Variants in QRFPR observed in about 807,000 individuals in gnomAD.
The protein encoded by QRFPR is pyroglutamylated RF-amide peptide receptor.
In QRFPR, 37 loss-of-function variants were observed where a neutral mutation model predicts 31.3. The observed-to-expected ratio is 1.18, with a 90% CI of 0.91 to 1.56. QRFPR has a LOEUF of 1.56. Ranked by LOEUF, QRFPR falls within the 40% of genes most tolerant of loss-of-function variation. The pLI is 0.00. For synonymous variants in QRFPR, 197 were observed against 192.0 expected, an observed-to-expected ratio of 1.03 and a Z score of -0.22; for missense variants, 542 against 532.5, an observed-to-expected ratio of 1.02 and a Z score of -0.18.
intron 1 of QRFPR, among the ~76,000 whole-genome samples, chr4:121,353,796 G>A (rs1250052958): frequency 1.3e-5 from 2 of 152,034 alleles, no homozygotes; most frequent in South Asian, 2.1e-4. Context: ...CCAGATCAAT[G>A]TTCTGGACTG....
intron 1 of QRFPR, among the ~76,000 whole-genome samples, chr4:121,372,347 A>G (rs1726263236): frequency 6.6e-6 from 1 of 152,190 alleles, no homozygotes; most frequent in African/African-American, 2.4e-5. Context: ...TTCTGCAACT[A>G]CCGGGAAGTA....
At chr4:121,333,236 ACTG>A (rs1725370424) in intron 3 of QRFPR, among the ~76,000 whole-genome samples, 180 bp from the exon 4 acceptor site, 1 of 152,158 alleles carries the variant, frequency 6.6e-6, no homozygotes, top group Non-Finnish European at 1.5e-5. Context: ...TTTCCACTTC[ACTG>A]CTTAAGTTCT....
intron 1 of QRFPR, among the ~76,000 whole-genome samples, chr4:121,355,359 A>G (rs576605878): frequency 6.6e-6 from 1 of 152,246 alleles, no homozygotes; most frequent in Admixed American, 6.5e-5. Flanking sequence ...ATTGTCATAC[A>G]GTTTCTCATA....
At chr4:121,362,346 G>A (rs1281853203) in intron 1 of QRFPR, among the ~76,000 whole-genome samples, 1 of 132,210 alleles carries the variant, frequency 7.6e-6, no homozygotes, top group Non-Finnish European at 1.8e-5. Context: ...CCTTTATCCA[G>A]GAAGAGGGGA....
At chr4:121,330,296 A>G (rs113338255) in intron 5 of QRFPR, 130 bp downstream of exon 5, 4 of 656,692 alleles carry the variant, frequency 6.1e-6, no homozygotes, top group South Asian at 5.8e-5. Context: ...TCTTGAAGAC[A>G]TGAAAGAAAT....
intron 1 of QRFPR, among the ~76,000 whole-genome samples, chr4:121,355,330 C>T (rs1345218068): frequency 2.6e-5 from 4 of 152,012 alleles, no homozygotes; most frequent in African/African-American, 4.8e-5. Context: ...TTATCCATTT[C>T]TTCTAGGACT....
chr4:121,334,208 C>T (rs1017551546), intron 3 of QRFPR, among the ~76,000 whole-genome samples: 1 of 152,118 alleles, frequency 6.6e-6, no homozygotes, highest in Non-Finnish European at 1.5e-5. Flanking sequence ...TTCACATAGC[C>T]CTAGGGACTA....
chr4:121,340,617 T>C lies in QRFPR; in HGVS notation c.341-7A>G. 1.2e-6 allele frequency: 2 copies of C among 1,612,206 alleles called. No homozygotes were observed. Among genetic ancestry groups the C allele is most frequent in the Non-Finnish European group, 8.5e-7 (1 of 1,178,706 alleles). On this transcript the variant is annotated splice_region_variant and splice_polypyrimidine_tract_variant and intron_variant, in intron 1 of 5. Transcript: ENST00000394427. The stretch of plus-strand genomic sequence containing the variant: ...ATCTTGCAAATGAAAGCACCTGCAG[T>C]AAGGAAATAGGACAAATCATACATC...
At chr4:121,344,546 T>C (rs1251384807) in intron 1 of QRFPR, among the ~76,000 whole-genome samples, 3 of 152,188 alleles carry the variant, frequency 2.0e-5, no homozygotes, top group Admixed American at 2.0e-4. Context: ...TGTTCTGTCA[T>C]GTAATTTATC....
At chr4:121,338,310 A>G (rs539943415) in intron 2 of QRFPR, among the ~76,000 whole-genome samples, 5 of 152,234 alleles carry the variant, frequency 3.3e-5, no homozygotes, top group South Asian at 4.1e-4. Context: ...CTCATTGACT[A>G]CCTTCCTGGA....
At chr4:121,376,520 G>A (rs1222324720) in intron 1 of QRFPR, among the ~76,000 whole-genome samples, 2 of 151,004 alleles carry the variant, frequency 1.3e-5, no homozygotes, top group East Asian at 1.9e-4. Context: ...TGCTGGGAAA[G>A]CAACTGTTTG....
At chr4:121,370,173 A>G in intron 1 of QRFPR, 1 of 769,880 alleles carries the variant, frequency 1.3e-6, no homozygotes, top group Non-Finnish European at 2.4e-6. Flanking sequence ...CTCTGAAATC[A>G]CTGGCTTCCA....
chr4:121,371,814 G>C (rs10017459), intron 1 of QRFPR, among the ~76,000 whole-genome samples: 17 of 152,260 alleles, frequency 1.1e-4, no homozygotes, highest in African/African-American at 3.6e-4. Flanking sequence ...TGGCTAACAG[G>C]GTCCCAAGTG....
chr4:121,331,511 AG>A lies in QRFPR; in HGVS notation c.798-989del, dbSNP rs1473440866. Reference sequence around the variant, plus strand: ...ATATATCTTAAAAACATGATTAACCAGGGCTTCAAACTAATTTTCTCCATGA... The same window carrying A: ...ATATATCTTAAAAACATGATTAACCAGGCTTCAAACTAATTTTCTCCATGA... On this transcript the variant is annotated intron_variant, in intron 4 of 5. Coordinates refer to ENST00000394427, the MANE Select transcript of QRFPR (RefSeq NM_198179.3). Among the ~76,000 whole-genome samples, 11 of 151,478 alleles carry A rather than the reference AG, an allele frequency of 7.3e-5. No homozygotes were observed. The East Asian group carries it at 2.1e-3, about 29-fold the overall frequency.
At chr4:121,344,458 A>G (rs867871030) in intron 1 of QRFPR, among the ~76,000 whole-genome samples, 2 of 152,144 alleles carry the variant, frequency 1.3e-5, no homozygotes, top group Admixed American at 6.5e-5. Context: ...CCTATTCATT[A>G]CTTCTGACAT....
rs565065996 is a variant in QRFPR at position 121,347,747 on chromosome 4, T to C, written c.341-7137A>G. On this transcript the variant is annotated intron_variant, in intron 1 of 5. Transcript: ENST00000394427. ...AACTTTACATTTACTCTGTCAAGAC[T>C]GATAGTTTTTCATTCTGTTCCACAG... Among the ~76,000 whole-genome samples, 10 of 152,268 alleles carry C rather than the reference T, an allele frequency of 6.6e-5. No individual in the cohort carries two copies. The South Asian group carries it at 1.9e-3, about 28-fold the overall frequency.
chr4:121,348,706 C>T (rs914724677), intron 1 of QRFPR, among the ~76,000 whole-genome samples: 1 of 152,122 alleles, frequency 6.6e-6, no homozygotes, highest in Non-Finnish European at 1.5e-5. Context: ...ACATCATCTG[C>T]CTTTAGAATG....
At chr4:121,332,659 A>C (rs1384808665) in intron 4 of QRFPR, among the ~76,000 whole-genome samples, 162 bp downstream of exon 4, 1 of 152,262 alleles carries the variant, frequency 6.6e-6, no homozygotes, top group Non-Finnish European at 1.5e-5. Flanking sequence ...TTTCAGACAC[A>C]TGTAAAACTT....
At position 121,340,486 on chromosome 4, in the gene QRFPR, C is replaced by T. The variant is rs763548756; in HGVS notation, c.465G>A (p.Trp155Ter). 3.7e-6 allele frequency: 6 copies of T among 1,613,932 alleles called. No homozygotes were observed. Among genetic ancestry groups the T allele is most frequent in the Admixed American group, 3.3e-5 (2 of 59,962 alleles). Residue 155 changes from tryptophan to a stop codon, truncating the protein, a stop_gained, in exon 2 of 6, where the codon TGG becomes TGA. Transcript: ENST00000394427. LOFTEE classifies it high-confidence loss of function. ...QGLVHPFKMK[W>*]QYTNRRAFTM... is the part of the protein sequence containing the mutation. ...TGAAAGCCCTTCGGTTGGTGTATTG[C>T]CACTTCATTTTAAAAGGATGCACAA...
Sources: allele counts gnomAD v4.1 joint callset (sites outside exome capture counted in the v4.1 genomes callset), GRCh38; gene constraint gnomAD v4.1.1; transcripts MANE v1.5; gene names NCBI Gene and HGNC (gene_info 2026-07-23, HGNC 2026-07-21).